ZNF563: variants seen among roughly 807,000 people sequenced by gnomAD.
The protein encoded by ZNF563 is zinc finger protein 563.
In ZNF563, 39 loss-of-function variants were observed where a neutral mutation model predicts 48.5. The ratio of observed to expected loss-of-function variants is 0.80; its 90% CI spans 0.62 to 1.05. The LOEUF is 1.05. ZNF563 is among the 50% of genes least tolerant of loss of function. The pLI is 0.00. For synonymous variants in ZNF563, 168 were observed against 187.9 expected (o/e 0.89, Z 0.87); for missense variants, 538 against 597.0 (o/e 0.90, Z 1.03).
At chr19:12,344,285 C>T in the ZNF563 span, among the ~76,000 whole-genome samples, 16 of 149,708 alleles carry the variant, frequency 1.1e-4, no homozygotes, top group African/African-American at 3.4e-4. Flanking sequence ...CCCAGCTACC[C>T]GGGAGGCTGA....
At position 12,321,270 on chromosome 19, in the gene ZNF563, AC is replaced by A. The variant is rs748636405; in HGVS notation, c.191+1del. The A allele has an allele frequency of 1.0e-5, 16 of 1,570,136 alleles. No individual in the cohort carries two copies. Among genetic ancestry groups the A allele is most frequent in the Non-Finnish European group, 2.6e-6 (3 of 1,158,962 alleles). On this transcript the variant is annotated splice_donor_variant, in intron 3 of 3. Coordinates refer to ENST00000293725, the MANE Select transcript of ZNF563 (RefSeq NM_145276.3). LOFTEE classifies it high-confidence loss of function. The stretch of plus-strand genomic sequence containing the variant: ...TAACTTTCTCCTGTGAGTGCAAATT[AC>A]CTTAGATTTCTCCTAGGATTTTTGT...
upstream of ZNF563, among the ~76,000 whole-genome samples, chr19:12,334,901 T>A (rs1969001064): frequency 6.7e-6 from 1 of 149,628 alleles, no homozygotes; most frequent in Admixed American, 6.6e-5. Context: ...AAAAGGTTAC[T>A]TTAAGGTACT....
At chr19:12,324,987 A>T (rs1968749316) in intron 1 of ZNF563, 1 of 152,210 alleles carries the variant, frequency 6.6e-6, no homozygotes, top group African/African-American at 2.4e-5. Flanking sequence ...ATTCTAGAGA[A>T]AGCAGATCAG....
Position 12,318,118 on chromosome 19 carries a change from T to C in ZNF563, c.*476A>G. The C allele has an allele frequency of 5.9e-6, 1 of 170,758 alleles. No homozygotes were observed. The highest frequency in any genetic ancestry group is 1.4e-4 in the South Asian group (1 of 7,026). 10.6% of individuals were successfully genotyped at this position (170,758 alleles called of 1,614,324 possible). A position where few individuals can be genotyped will look rare whatever the true frequency, so the allele number is the denominator to read the frequency against. ...CTTGGGCTCAAGAGATCTTCCCACC[T>C]CAGCCTCCCAAGTAGCTGGGACTAC... is the stretch of plus-strand genomic sequence containing the variant. On this transcript the variant is annotated 3_prime_UTR_variant, in exon 4 of 4. Transcript: ENST00000293725.
the ZNF563 span, among the ~76,000 whole-genome samples, chr19:12,339,411 C>T: frequency 2.0e-5 from 3 of 150,322 alleles, no homozygotes; most frequent in East Asian, 5.9e-4. Flanking sequence ...TCCCGAGTAG[C>T]TGGGATTACA....
chr19:12,339,994 T>C, the ZNF563 span, among the ~76,000 whole-genome samples: 1 of 152,216 alleles, frequency 6.6e-6, no homozygotes, highest in African/African-American at 2.4e-5. Flanking sequence ...ATGAGAAATG[T>C]TGGAGACCAG....
At chr19:12,342,266 C>T in the ZNF563 span, among the ~76,000 whole-genome samples, 1 of 152,076 alleles carries the variant, frequency 6.6e-6, no homozygotes, top group South Asian at 2.1e-4. Flanking sequence ...AATCCTCCTA[C>T]CTGGGTGTCC....
At position 12,319,368 on chromosome 19, in the gene ZNF563, G is replaced by A; in HGVS notation, c.657C>T (p.His219=). 1 of 1,614,182 alleles carries A rather than the reference G, an allele frequency of 6.2e-7. No homozygotes were observed. Residue 219 remains histidine, a synonymous_variant, in exon 4 of 4, where the codon CAC becomes CAT. Transcript: ENST00000293725. ...TACATTCATACGGTTTCTCTCCAGT[G>A]TGAGTTCTTTCATGCATACGTAATA... ...PSLLRMHERT[H]TGEKPYECKQ... is the part of the protein sequence containing the mutation.
rs570351287 is a variant in ZNF563, at chr19:12,330,212, G to A, written c.3+3268C>T. Among the ~76,000 whole-genome samples, 8 of 152,190 alleles carry A rather than the reference G, an allele frequency of 5.3e-5. No homozygotes were observed. The South Asian group carries it at 1.2e-3, about 24-fold the overall frequency. On this transcript the variant is annotated intron_variant, in intron 1 of 3. Transcript: ENST00000293725. ...TAGGATTACAGGCATGAGCCACCAC[G>A]CCCGGGGCAGAGGTAATACTTTCTA... is the stretch of plus-strand genomic sequence containing the variant.
intron 1 of ZNF563, among the ~76,000 whole-genome samples, chr19:12,332,083 T>C (rs181702637): frequency 6.6e-6 from 1 of 152,276 alleles, no homozygotes; most frequent in East Asian, 1.9e-4. Flanking sequence ...TGTATTTGTT[T>C]GAAATACAGC....
chr19:12,329,309 T>C (rs1968867786), intron 1 of ZNF563, among the ~76,000 whole-genome samples: 1 of 151,726 alleles, frequency 6.6e-6, no homozygotes, highest in Admixed American at 6.6e-5. Context: ...CCGTCTCTAC[T>C]AAAAATACAA....
upstream of ZNF563, among the ~76,000 whole-genome samples, chr19:12,336,519 G>A (rs1042565761): frequency 3.9e-5 from 6 of 152,208 alleles, no homozygotes; most frequent in African/African-American, 1.4e-4. Flanking sequence ...GTGAACCCAG[G>A]AGGTGGAGGT....
At chr19:12,323,188 A>G (rs187065770) in intron 1 of ZNF563, among the ~76,000 whole-genome samples, 3 of 152,358 alleles carry the variant, frequency 2.0e-5, no homozygotes, top group East Asian at 3.9e-4. Flanking sequence ...GATTGTATCT[A>G]AACTGTTTGT....
In ZNF563 at chr19:12,319,979, C is replaced by T. The variant is rs189116531; in HGVS notation, c.192-146G>A. The T allele has an allele frequency of 9.3e-5, 67 of 722,816 alleles. No individual in the cohort carries two copies. In the East Asian group the frequency reaches 1.2e-3, roughly 13 times the overall value. 44.8% of individuals were successfully genotyped at this position (722,816 alleles called of 1,614,324 possible). ...TCACCCAGGCTAGAGTGCAGCGGCA[C>T]GATCTCGGCTCACTGCAATCTCTTC... On this transcript the variant is annotated intron_variant, in intron 3 of 3. Transcript: ENST00000293725.
intron 1 of ZNF563, among the ~76,000 whole-genome samples, chr19:12,329,331 G>A (rs1476032124): frequency 6.6e-6 from 1 of 152,068 alleles, no homozygotes; most frequent in African/African-American, 2.4e-5. Context: ...AATTAGCTGA[G>A]TGTGGTGGCA....
At chr19:12,342,859 T>C in the ZNF563 span, among the ~76,000 whole-genome samples, 1 of 151,676 alleles carries the variant, frequency 6.6e-6, no homozygotes, top group Admixed American at 6.6e-5. Flanking sequence ...TCAGAACTTA[T>C]GAGATGCAGC....
chr19:12,342,365 G>A, the ZNF563 span, among the ~76,000 whole-genome samples: 1 of 151,402 alleles, frequency 6.6e-6, no homozygotes, highest in East Asian at 1.9e-4. Flanking sequence ...ATAATTATTG[G>A]AAAAAAATAC....
upstream of ZNF563, among the ~76,000 whole-genome samples, chr19:12,334,134 G>A (rs1174200899): frequency 6.6e-6 from 1 of 152,134 alleles, no homozygotes; most frequent in Non-Finnish European, 1.5e-5. Context: ...TTGGCGGCAA[G>A]GTTAAGCCTT....
Position 12,322,689 on chromosome 19 carries a change from A to C in ZNF563, c.26T>G (p.Val9Gly). Reference sequence around the variant, plus strand: ...TTCCTCCTGGGTGAAGTTCACAGCCACATCCTCAAAGGCCACTGCGTCCTG... The same window carrying C: ...TTCCTCCTGGGTGAAGTTCACAGCCCCATCCTCAAAGGCCACTGCGTCCTG... The part of the protein sequence containing the change: MDAVAFED[V>G]AVNFTQEEWA... Residue 9 changes from valine (V) to glycine (G), a missense_variant, in exon 2 of 4, where the codon GTG becomes GGG. By Grantham distance (109) the Val-to-Gly change is moderately radical. Coordinates refer to ENST00000293725, the MANE Select transcript of ZNF563 (RefSeq NM_145276.3). 6.2e-7 allele frequency: 1 copy of C among 1,607,840 alleles called. No homozygotes were observed. The highest frequency in any genetic ancestry group is 8.5e-7 in the Non-Finnish European group (1 of 1,176,382).
Sources: allele counts gnomAD v4.1 joint callset (sites outside exome capture counted in the v4.1 genomes callset), GRCh38; gene constraint gnomAD v4.1.1; transcripts MANE v1.5; gene names NCBI Gene and HGNC (gene_info 2026-07-23, HGNC 2026-07-21).